The following MGMT variants were observed in gnomAD, a reference collection of about 807,000 sequenced individuals.
MGMT encodes the protein O-6-methylguanine-DNA methyltransferase, also known as methylated-DNA--protein-cysteine methyltransferase.
In MGMT, 14 loss-of-function variants were observed where a neutral mutation model predicts 15.9. The ratio of observed to expected loss-of-function variants is 0.88; its 90% confidence interval spans 0.58 to 1.37. The LOEUF (loss-of-function observed/expected upper bound fraction) is 1.37. Among genes scored for constraint, MGMT ranks in the 40% most tolerant of loss-of-function variants. MGMT has a pLI of 0.00. For synonymous variants in MGMT, 130 were observed against 118.2 expected (o/e 1.10, Z -0.65); for missense variants, 282 against 268.1 (o/e 1.05, Z -0.36).
intron 3 of MGMT, among the ~76,000 whole-genome samples, chr10:129,748,745 A>G (rs1404467544): frequency 6.6e-6 from 1 of 152,148 alleles, no homozygotes; most frequent in African/African-American, 2.4e-5. Flanking sequence ...GTTCCTATTG[A>G]TATCTGCAAC....
At chr10:129,541,154 T>G (rs1846038557) in intron 2 of MGMT, among the ~76,000 whole-genome samples, 1 of 152,268 alleles carries the variant, frequency 6.6e-6, no homozygotes, top group African/African-American at 2.4e-5. Flanking sequence ...GTGAATCCAC[T>G]TACCTGTGTG....
intron 2 of MGMT, among the ~76,000 whole-genome samples, chr10:129,597,708 G>A (rs1846767358): frequency 2.0e-5 from 3 of 152,022 alleles, no homozygotes; most frequent in Admixed American, 6.6e-5. Context: ...CGCTGAGTGT[G>A]GTTTTTTCAT....
At chr10:129,552,906 T>C (rs758910536) in intron 2 of MGMT, among the ~76,000 whole-genome samples, 8 of 152,258 alleles carry the variant, frequency 5.3e-5, no homozygotes, top group Admixed American at 2.0e-4. Flanking sequence ...TGTAAAAATA[T>C]TAAAAGCCCT....
rs982034429 is a variant in MGMT at position 129,592,205 on chromosome 10, T to G, written c.125+55828T>G. Among the ~76,000 whole-genome samples the G allele has an allele frequency of 7.9e-5, 12 of 152,310 alleles. 1 individual carries two copies. Among genetic ancestry groups the G allele is most frequent in the Admixed American group, 7.2e-4 (11 of 15,308 alleles). On this transcript the variant is annotated intron_variant, in intron 2 of 4. Coordinates refer to ENST00000651593, the MANE Select transcript of MGMT (RefSeq NM_002412.5). ...CCAGCCAACCATATTTACCCACACT[T>G]GGGTTTTTGGCAGAAATTTTCAAGG...
chr10:129,497,029 C>T (rs1057074555), intron 1 of MGMT, among the ~76,000 whole-genome samples: 1 of 151,846 alleles, frequency 6.6e-6, no homozygotes, highest in African/African-American at 2.4e-5. Flanking sequence ...GGAAGGCTAT[C>T]GGGGTAGAAG....
chr10:129,509,661 A>G (rs1042959548), intron 1 of MGMT, among the ~76,000 whole-genome samples: 2 of 152,236 alleles, frequency 1.3e-5, no homozygotes, highest in African/African-American at 4.8e-5. Context: ...ACTTTAGACA[A>G]GTAATTCTGT....
At position 129,632,138 on chromosome 10, in the gene MGMT, G is replaced by C. The variant is rs144577079; in HGVS notation, c.126-75757G>C. 1.9e-3 allele frequency among the ~76,000 whole-genome samples: 295 copies of C among 152,338 alleles called. 4 individuals are homozygous for C. The highest frequency in any genetic ancestry group is 1.9e-3 in the Non-Finnish European group (132 of 68,040). ...GGGATATGCCTTTTTATGCACCAGC[G>C]TATGCATTGTGCCACATCCTTAGAC... On this transcript the variant is annotated intron_variant, in intron 2 of 4. Coordinates refer to ENST00000651593, the MANE Select transcript of MGMT (RefSeq NM_002412.5).
At chr10:129,690,563 A>G (rs1375505863) in intron 2 of MGMT, among the ~76,000 whole-genome samples, 1 of 152,226 alleles carries the variant, frequency 6.6e-6, no homozygotes, top group Non-Finnish European at 1.5e-5. Context: ...AGGGTGGCAC[A>G]TGGAGGGGAG....
intron 4 of MGMT, among the ~76,000 whole-genome samples, chr10:129,762,633 A>T (rs1848887873): frequency 6.6e-6 from 1 of 152,154 alleles, no homozygotes; most frequent in Non-Finnish European, 1.5e-5. Context: ...ATCCTCAGAC[A>T]GAATTTGCTA....
chr10:129,561,333 G>C (rs1195881416), intron 2 of MGMT, among the ~76,000 whole-genome samples: 1 of 152,042 alleles, frequency 6.6e-6, no homozygotes, highest in Non-Finnish European at 1.5e-5. Flanking sequence ...GCGGTGAGAC[G>C]GCGAGCGAGG....
intron 3 of MGMT, among the ~76,000 whole-genome samples, chr10:129,737,463 T>C (rs1326097201): frequency 1.3e-5 from 2 of 152,138 alleles, no homozygotes; most frequent in East Asian, 3.9e-4. Context: ...TTCTAAATTT[T>C]TTTCAAAGTT....
Position 129,627,987 on chromosome 10 carries a change from G to A in MGMT, c.126-79908G>A, listed in dbSNP as rs562073545. ...TAACCAGAGGTGGCTTGATAATGAC[G>A]CCACTTTGGAAGCGTCTGGCTGGTG... On this transcript the variant is annotated intron_variant, in intron 2 of 4. Coordinates refer to ENST00000651593, the MANE Select transcript of MGMT (RefSeq NM_002412.5). Among the ~76,000 whole-genome samples the A allele has an allele frequency of 4.8e-4, 73 of 152,264 alleles. 1 individual carries two copies. Among genetic ancestry groups the A allele is most frequent in the African/African-American group, 1.6e-3 (65 of 41,554 alleles).
chr10:129,549,438 A>T (rs768925220), intron 2 of MGMT, among the ~76,000 whole-genome samples: 24 of 152,316 alleles, frequency 1.6e-4, no homozygotes, highest in Non-Finnish European at 2.4e-4. Context: ...TTAATATCTG[A>T]GGGCGAGAAG....
intron 2 of MGMT, among the ~76,000 whole-genome samples, chr10:129,652,223 G>A (rs564349748): frequency 5.3e-5 from 8 of 152,348 alleles, no homozygotes; most frequent in South Asian, 2.1e-4. Context: ...CCGGCCATGC[G>A]GAGAACACTC....
At chr10:129,526,449 C>A (rs1361196694) in intron 1 of MGMT, among the ~76,000 whole-genome samples, 1 of 152,106 alleles carries the variant, frequency 6.6e-6, no homozygotes, top group East Asian at 1.9e-4. Flanking sequence ...AGACCCGAAG[C>A]CCAGGCCACA....
In MGMT at chr10:129,674,595, C is replaced by T. The variant is rs140552862; in HGVS notation, c.126-33300C>T. On this transcript the variant is annotated intron_variant, in intron 2 of 4. Coordinates refer to ENST00000651593, the MANE Select transcript of MGMT (RefSeq NM_002412.5). ...GTAACCCAGATACCAAAACCAAGTG[C>T]AGTCCTGGAAGGTGAAAAGAGTTTC... Among the ~76,000 whole-genome samples the T allele has an allele frequency of 3.3e-3, 496 of 152,368 alleles. 2 individuals carry two copies. Among genetic ancestry groups the T allele is most frequent in the African/African-American group, 0.011 (462 of 41,594 alleles).
At chr10:129,746,687 C>G (rs1474459642) in intron 3 of MGMT, among the ~76,000 whole-genome samples, 1 of 152,168 alleles carries the variant, frequency 6.6e-6, no homozygotes, top group Admixed American at 6.5e-5. Flanking sequence ...GTAACTCCAT[C>G]AATACTCCAA....
At chr10:129,551,204 A>G (rs138244899) in intron 2 of MGMT, among the ~76,000 whole-genome samples, 2 of 152,390 alleles carry the variant, frequency 1.3e-5, no homozygotes, top group East Asian at 3.9e-4. Context: ...AAGTACATGC[A>G]AAGTGCACTG....
At chr10:129,619,995 C>A (rs1001508585) in intron 2 of MGMT, among the ~76,000 whole-genome samples, 4 of 152,180 alleles carry the variant, frequency 2.6e-5, no homozygotes, top group African/African-American at 9.7e-5. Context: ...TGAAGAAAAG[C>A]AGATAGCAGG....
Sources: allele counts gnomAD v4.1 joint callset (sites outside exome capture counted in the v4.1 genomes callset), GRCh38; gene constraint gnomAD v4.1.1; transcripts MANE v1.5; gene names NCBI Gene and HGNC (gene_info 2026-07-23, HGNC 2026-07-21).